The following USP2 variants were observed in gnomAD, a reference collection of about 807,000 sequenced individuals.
USP2 encodes the protein ubiquitin carboxyl-terminal hydrolase 2.
In USP2, 33 loss-of-function variants were observed where a neutral mutation model predicts 72.0. The observed-to-expected ratio is 0.46, with a 90% CI of 0.35 to 0.61. USP2 has a LOEUF of 0.61. USP2 is among the 20% of genes least tolerant of loss of function. The pLI, the probability that USP2 is intolerant of heterozygous loss-of-function variation, is 0.01. For missense variants in USP2, 691 were observed against 797.8 expected, an observed-to-expected ratio of 0.87 and a Z score of 1.61; for synonymous variants, 296 against 312.5, an observed-to-expected ratio of 0.95 and a Z score of 0.56.
chr11:119,379,209 C>T (rs762520433), intron 1 of USP2: 140 of 985,374 alleles, frequency 1.4e-4, no homozygotes, highest in Non-Finnish European at 1.5e-4. Context: ...CATTCCAAGC[C>T]CCAGGAGAAT....
rs536185418 is a variant in USP2, at chr11:119,366,131, G to C, written c.775-5897C>G. Among the ~76,000 whole-genome samples the C allele has an allele frequency of 8.5e-5, 13 of 152,256 alleles. No homozygotes were observed. In the South Asian group the frequency reaches 2.3e-3, roughly 27 times the overall value. On this transcript the variant is annotated intron_variant, in intron 2 of 12. Transcript: ENST00000260187. ...GCTGGTCATGAACTCCTGACCTCAA[G>C]TGATCCGCCCACCTCAGCCTCCCAA...
chr11:119,362,021 A>C lies in USP2; in HGVS notation c.775-1787T>G, dbSNP rs76068261. Among the ~76,000 whole-genome samples, 443 of 152,330 alleles carry C rather than the reference A, an allele frequency of 2.9e-3. 2 individuals are homozygous for C. Among genetic ancestry groups the C allele is most frequent in the African/African-American group, 9.3e-3 (385 of 41,576 alleles). ...GAACTAAATGTTAAAGCTTGCCCAC[A>C]ACAGAATACCCACCCTTACGTCTAT... is the stretch of plus-strand genomic sequence containing the variant. On this transcript the variant is annotated intron_variant, in intron 2 of 12. Coordinates refer to ENST00000260187, the MANE Select transcript of USP2 (RefSeq NM_004205.5).
chr11:119,359,236 G>A lies in USP2; in HGVS notation c.1056C>T (p.Gly352=), dbSNP rs773167983. The A allele has an allele frequency of 1.5e-5, 25 of 1,613,734 alleles. No individual in the cohort carries two copies. The highest frequency in any genetic ancestry group is 1.9e-5 in the Non-Finnish European group (23 of 1,179,866). ...QIQRYAPRFV[G]YNQQDAQEFL... is the part of the protein sequence containing the mutation. The stretch of plus-strand genomic sequence containing the variant: ...CATGTCTGCAAGGCCCTTACTTATA[G>A]CCAACAAAGCGCGGTGCGTATCTCT... Residue 352 remains glycine, a synonymous_variant, in exon 5 of 13, where the codon GGC becomes GGT. Coordinates refer to ENST00000260187, the MANE Select transcript of USP2 (RefSeq NM_004205.5).
intron 1 of USP2, among the ~76,000 whole-genome samples, chr11:119,377,708 CAG>C (rs1469153282): frequency 1.3e-5 from 2 of 152,162 alleles, no homozygotes; most frequent in Non-Finnish European, 2.9e-5. Context: ...CTGGGTGAGT[CAG>C]GGGTTAAAAT....
At chr11:119,364,597 C>A (rs907280816) in intron 2 of USP2, among the ~76,000 whole-genome samples, 1 of 152,216 alleles carries the variant, frequency 6.6e-6, no homozygotes, top group African/African-American at 2.4e-5. Flanking sequence ...ATTTTGAGAA[C>A]GTGATGAAAG....
chr11:119,373,244 G>A lies in USP2; in HGVS notation c.237C>T (p.Pro79=), dbSNP rs1212854005. 6.2e-7 allele frequency: 1 copy of A among 1,613,998 alleles called. No individual in the cohort carries two copies. Among genetic ancestry groups the A allele is most frequent in the Non-Finnish European group, 8.5e-7 (1 of 1,179,918 alleles). Residue 79 remains proline (P), a synonymous_variant, in exon 2 of 13, where the codon CCC becomes CCT. Transcript: ENST00000260187. ...CCCCAGTGATGTCGGGTCTCAGCAG[G>A]GGGCGGCCCCGGTCATAGTCCAGGA... ...SSLLDYDRGR[P]LLRPDITGGG... is the part of the protein sequence containing the mutation.
chr11:119,372,955 G>T lies in USP2; in HGVS notation c.526C>A (p.Arg176Ser). The change falls in exon 2 of 13, where the codon CGC (arginine) becomes AGC (serine). Residue 176 changes from arginine to serine, a missense_variant. Coordinates refer to ENST00000260187, the MANE Select transcript of USP2 (RefSeq NM_004205.5). ...CCCTGCAGGGTGCAGAGCTCCTTGC[G>T]CGTCCGGGCCAGCATGGGGCTGCGG... ...LGRSPMLART[R>S]KELCTLQGLY... 6.2e-7 allele frequency: 1 copy of T among 1,613,790 alleles called. No homozygotes were observed. Among genetic ancestry groups the T allele is most frequent in the Admixed American group, 1.7e-5 (1 of 60,024 alleles).
intron 2 of USP2, among the ~76,000 whole-genome samples, chr11:119,362,657 T>C (rs1950781801): frequency 6.6e-6 from 1 of 152,112 alleles, no homozygotes; most frequent in Admixed American, 6.5e-5. Flanking sequence ...AGAGTGACCT[T>C]TCTTACAGGA....
chr11:119,366,137 C>T (rs547661876), intron 2 of USP2, among the ~76,000 whole-genome samples: 7 of 152,264 alleles, frequency 4.6e-5, no homozygotes, highest in African/African-American at 1.7e-4. Flanking sequence ...TCAAGTGATC[C>T]GCCCACCTCA....
At chr11:119,359,461 C>G in intron 4 of USP2, 76 bp downstream of exon 4, 2 of 1,602,734 alleles carry the variant, frequency 1.2e-6, no homozygotes, top group Middle Eastern at 1.8e-4. Flanking sequence ...GTCTAAGACA[C>G]AACACCTAGA....
Position 119,359,347 on chromosome 11 carries a change from T to C in USP2, c.950-5A>G. ...TCTGAATTAGTTTTGCAAACTCTAT[T>C]GGAAGGAGAGAGTGTACAGGACAGC... is the stretch of plus-strand genomic sequence containing the variant. On this transcript the variant is annotated splice_polypyrimidine_tract_variant and splice_region_variant and intron_variant, in intron 4 of 12. Coordinates refer to ENST00000260187, the MANE Select transcript of USP2 (RefSeq NM_004205.5). 6.2e-7 allele frequency: 1 copy of C among 1,611,628 alleles called. No homozygotes were observed. The highest frequency in any genetic ancestry group is 8.5e-7 in the Non-Finnish European group (1 of 1,178,374).
chr11:119,367,870 C>T (rs193018811), intron 2 of USP2, among the ~76,000 whole-genome samples: 3 of 152,200 alleles, frequency 2.0e-5, no homozygotes, highest in African/African-American at 7.2e-5. Flanking sequence ...TGGAGCGGCT[C>T]CCCCAGGGGC....
In USP2 at chr11:119,374,525, C is replaced by T. The variant is rs141273601; in HGVS notation, c.-41-1004G>A. On this transcript the variant is annotated intron_variant, in intron 1 of 12. Coordinates refer to ENST00000260187, the MANE Select transcript of USP2 (RefSeq NM_004205.5). Reference sequence around the variant, plus strand: ...GGGAAAAGTGATGCTTATTTGCCCCCGGCCACACACCAGCAGAGCCAGGAC... The same window carrying T: ...GGGAAAAGTGATGCTTATTTGCCCCTGGCCACACACCAGCAGAGCCAGGAC... Among the ~76,000 whole-genome samples the T allele has an allele frequency of 1.7e-3, 255 of 152,304 alleles. 1 individual carries two copies. Among genetic ancestry groups the T allele is most frequent in the African/African-American group, 5.9e-3 (247 of 41,564 alleles).
chr11:119,361,609 TG>T (rs367596823), intron 2 of USP2, among the ~76,000 whole-genome samples: 9 of 110,416 alleles, frequency 8.2e-5, no homozygotes, highest in Admixed American at 8.0e-4. Context: ...GGTTGTCAGC[TG>T]GGGGGGAGGG....
chr11:119,376,324 C>T, intron 1 of USP2: 1 of 985,634 alleles, frequency 1.0e-6, no homozygotes. Flanking sequence ...ACAGGACGGG[C>T]ACTCACGTGG....
intron 1 of USP2, among the ~76,000 whole-genome samples, chr11:119,377,844 C>T (rs1228092427): frequency 4.6e-5 from 7 of 152,180 alleles, no homozygotes; most frequent in Admixed American, 1.3e-4. Context: ...GAATTCCAGG[C>T]GCTCCTGGCC....
At chr11:119,359,390 G>T in intron 4 of USP2, 48 bp from the exon 5 acceptor site, 1 of 1,585,064 alleles carries the variant, frequency 6.3e-7, no homozygotes, top group Non-Finnish European at 8.6e-7. Context: ...TTTTCTATAA[G>T]AAACTCTGAA....
Position 119,359,068 on chromosome 11 carries a change from C to T in USP2, c.1128G>A (p.Val376=). The T allele has an allele frequency of 6.2e-7, 1 of 1,614,080 alleles. No individual in the cohort carries two copies. The highest frequency in any genetic ancestry group is 8.5e-7 in the Non-Finnish European group (1 of 1,180,034). The change falls in exon 6 of 13, where the codon GTG becomes GTA. Residue 376 remains valine (V), a synonymous_variant. Coordinates refer to ENST00000260187, the MANE Select transcript of USP2 (RefSeq NM_004205.5). ...LDGLHNEVNR[V]TLRPKSNPEN... is the part of the protein sequence containing the mutation. ...CAGGGTTGGACTTAGGTCTCAGTGT[C>T]ACTCGGTTCACCTCGTTATGGAGCC...
intron 1 of USP2, among the ~76,000 whole-genome samples, chr11:119,380,273 G>A (rs1951045530): frequency 1.3e-5 from 2 of 151,928 alleles, no homozygotes; most frequent in South Asian, 4.2e-4. Context: ...AACTGACCAT[G>A]TCCCATAACT....
Sources: allele counts gnomAD v4.1 joint callset (sites outside exome capture counted in the v4.1 genomes callset), GRCh38; gene constraint gnomAD v4.1.1; transcripts MANE v1.5; gene names NCBI Gene and HGNC (gene_info 2026-07-23, HGNC 2026-07-21).